GRIA4: variants seen among roughly 807,000 people sequenced by gnomAD.
GRIA4 encodes glutamate receptor 4.
In GRIA4, 34 loss-of-function variants were observed where a neutral mutation model predicts 104.0. The ratio of observed to expected loss-of-function variants is 0.33; its 90% CI spans 0.25 to 0.44. The LOEUF is 0.44. GRIA4 is among the 20% of genes least tolerant of loss of function. The probability of loss-of-function intolerance (pLI) is 1.00; values close to 1 mark genes in which losing one functional copy is unlikely to be tolerated. For missense variants in GRIA4, 750 were observed against 1,096.5 expected (o/e 0.68, Z 4.46); for synonymous variants, 386 against 381.9 (o/e 1.01, Z -0.13).
At chr11:105,769,463 A>T (rs1165097922) in intron 4 of GRIA4, among the ~76,000 whole-genome samples, 4 of 152,028 alleles carry the variant, frequency 2.6e-5, no homozygotes, top group Admixed American at 1.3e-4. Flanking sequence ...ATGGTAAGTA[A>T]CTCATTATGG....
intron 6 of GRIA4, among the ~76,000 whole-genome samples, chr11:105,890,955 G>A (rs780210751): frequency 6.6e-6 from 1 of 152,136 alleles, no homozygotes; most frequent in Non-Finnish European, 1.5e-5. Context: ...ATCATCTAGA[G>A]GTACTGGTGA....
At chr11:105,781,865 C>T in intron 4 of GRIA4, among the ~76,000 whole-genome samples, 1 of 152,112 alleles carries the variant, frequency 6.6e-6, no homozygotes, top group Non-Finnish European at 1.5e-5. Flanking sequence ...TTCTTCACTG[C>T]AGATTTGTTT....
At chr11:105,940,436 A>G (rs956515899) in intron 14 of GRIA4, among the ~76,000 whole-genome samples, 1 of 152,134 alleles carries the variant, frequency 6.6e-6, no homozygotes, top group Non-Finnish European at 1.5e-5. Context: ...TATTTGCAAT[A>G]GGTAGACGTG....
chr11:105,862,279 C>A, intron 5 of GRIA4, 71 bp downstream of exon 5: 2 of 792,500 alleles, frequency 2.5e-6, no homozygotes, highest in South Asian at 1.6e-5. Flanking sequence ...TGACTTGTCC[C>A]CATCAACATC....
chr11:105,921,808 C>A (rs1947572863), intron 11 of GRIA4, among the ~76,000 whole-genome samples: 1 of 152,016 alleles, frequency 6.6e-6, no homozygotes, highest in African/African-American at 2.4e-5. Context: ...CCTGTTGGTA[C>A]AGGAGGATGA....
intron 8 of GRIA4, among the ~76,000 whole-genome samples, chr11:105,904,480 G>C (rs546627267): frequency 1.5e-4 from 23 of 152,172 alleles, no homozygotes; most frequent in African/African-American, 5.5e-4. Flanking sequence ...AACCACAAGG[G>C]GTTCAGGAAG....
chr11:105,658,256 A>T (rs905123669), intron 3 of GRIA4, among the ~76,000 whole-genome samples: 1 of 151,854 alleles, frequency 6.6e-6, no homozygotes, highest in Non-Finnish European at 1.5e-5. Flanking sequence ...ATGCATTTAG[A>T]TGAGTTTGCT....
chr11:105,859,101 TAA>T (rs1214250925), intron 4 of GRIA4, among the ~76,000 whole-genome samples: 2 of 152,192 alleles, frequency 1.3e-5, no homozygotes, highest in African/African-American at 4.8e-5. Context: ...ATATAACAAC[TAA>T]GTTACATAAT....
At chr11:105,954,320 A>T (rs1948530531) in intron 14 of GRIA4, among the ~76,000 whole-genome samples, 1 of 152,248 alleles carries the variant, frequency 6.6e-6, no homozygotes, top group Non-Finnish European at 1.5e-5. Context: ...AATCCAAAAT[A>T]GAGTATATTA....
At chr11:105,893,534 A>G (rs1946529328) in intron 6 of GRIA4, among the ~76,000 whole-genome samples, 1 of 152,178 alleles carries the variant, frequency 6.6e-6, no homozygotes, top group African/African-American at 2.4e-5. Flanking sequence ...ATCATAACTG[A>G]CAATGGTTTA....
chr11:105,898,403 T>C lies in GRIA4; in HGVS notation c.861T>C (p.Tyr287=). 1 of 1,591,636 alleles carries C rather than the reference T, an allele frequency of 6.3e-7. No homozygotes were observed. The change falls in exon 7 of 17, where the codon TAT becomes TAC. Residue 287 remains tyrosine (Y), a synonymous_variant. Coordinates refer to ENST00000282499, the MANE Select transcript of GRIA4 (RefSeq NM_000829.4). The part of the protein sequence containing the change: ...DRWKKLDQRE[Y]PGSETPPKYT... ...GGAAGAAACTAGATCAGAGAGAGTA[T>C]CCAGGATCTGAGACTCCTCCAAAGG...
At chr11:105,659,073 C>T (rs528340781) in intron 3 of GRIA4, among the ~76,000 whole-genome samples, 15 of 152,074 alleles carry the variant, frequency 9.9e-5, no homozygotes, top group African/African-American at 3.4e-4. Flanking sequence ...AGTCAATGAA[C>T]TTGGCCAAAG....
chr11:105,711,451 A>C (rs1040507203), intron 3 of GRIA4, among the ~76,000 whole-genome samples: 1 of 152,052 alleles, frequency 6.6e-6, no homozygotes. Flanking sequence ...AAAAAGAAAA[A>C]AAATTATTCC....
At chr11:105,627,631 T>A (rs967699416) in intron 3 of GRIA4, among the ~76,000 whole-genome samples, 1 of 152,152 alleles carries the variant, frequency 6.6e-6, no homozygotes, top group Non-Finnish European at 1.5e-5. Flanking sequence ...GTAATTCTGC[T>A]CACTGTTTTT....
At chr11:105,671,211 G>A (rs558620501) in intron 3 of GRIA4, among the ~76,000 whole-genome samples, 13 of 152,222 alleles carry the variant, frequency 8.5e-5, no homozygotes, top group South Asian at 2.1e-4. Flanking sequence ...GGTACCAGGT[G>A]TTAGAAAAGG....
At chr11:105,899,812 A>G (rs927649856) in intron 7 of GRIA4, among the ~76,000 whole-genome samples, 6 of 152,128 alleles carry the variant, frequency 3.9e-5, no homozygotes, top group African/African-American at 1.4e-4. Context: ...ATGGACATTG[A>G]ACTCCTGGCC....
chr11:105,899,555 G>A (rs73542826), intron 7 of GRIA4, among the ~76,000 whole-genome samples: 205 of 152,204 alleles, frequency 1.3e-3, no homozygotes, highest in African/African-American at 4.8e-3. Flanking sequence ...TTGGCATGAT[G>A]GTAGGCATTC....
chr11:105,858,281 C>CTAGA (rs1400666002), intron 4 of GRIA4, among the ~76,000 whole-genome samples: 1 of 151,920 alleles, frequency 6.6e-6, no homozygotes, highest in African/African-American at 2.4e-5. Flanking sequence ...ATCGGTTTTC[C>CTAGA]TAGATAGTAA....
chr11:105,668,675 G>GTTTTTTTTTTTTTTTTTTTTTTTTTTTT (rs368844903), intron 3 of GRIA4, among the ~76,000 whole-genome samples: 1 of 121,450 alleles, frequency 8.2e-6, no homozygotes, highest in African/African-American at 3.0e-5. Flanking sequence ...ATTATCTTTT[G>GTTTTTTTTTTTTTTTTTTTTTTTTTTTT]TCTTTTTTTT....
Sources: gnomAD v4.1 joint callset for allele counts (sites outside exome capture counted in the v4.1 genomes callset) on GRCh38, gnomAD v4.1.1 for gene constraint, MANE v1.5 for transcripts, NCBI Gene and HGNC (gene_info 2026-07-23, HGNC 2026-07-21) for gene names.